The following DKK3 variants were observed in gnomAD, a reference collection of about 807,000 sequenced individuals.
DKK3 encodes dickkopf-related protein 3.
Under a neutral mutation model 33.2 loss-of-function variants are expected in DKK3, and 22 were observed. The ratio of observed to expected loss-of-function variants is 0.66; its 90% CI spans 0.47 to 0.95. The LOEUF (loss-of-function observed/expected upper bound fraction) is 0.95, where lower values mean the gene tolerates loss of function less well. Among genes scored for constraint, DKK3 ranks in the 40% least tolerant of loss-of-function variants. The probability of loss-of-function intolerance (pLI) is 0.00; values close to 1 mark genes in which losing one functional copy is unlikely to be tolerated. For synonymous variants in DKK3, 194 were observed against 188.8 expected (o/e 1.03, Z -0.23); for missense variants, 398 against 458.4 (o/e 0.87, Z 1.20).
intron 2 of DKK3, 68 bp from the exon 3 acceptor site, chr11:11,998,847 T>C: frequency 6.8e-7 from 1 of 1,474,202 alleles, no homozygotes; most frequent in African/African-American, 1.4e-5. Context: ...AAGTTGTTTT[T>C]GTGTTTTGTT....
At chr11:12,007,093 C>T (rs942599755) in intron 1 of DKK3, among the ~76,000 whole-genome samples, 17 of 152,258 alleles carry the variant, frequency 1.1e-4, no homozygotes, top group African/African-American at 3.9e-4. Flanking sequence ...AGGACAGCTG[C>T]CCATTTCACT....
intron 3 of DKK3, among the ~76,000 whole-genome samples, chr11:11,983,869 C>T (rs537530064): frequency 1.3e-5 from 2 of 152,364 alleles, no homozygotes; most frequent in Admixed American, 6.5e-5. Flanking sequence ...TCTTCTCAAC[C>T]TTCAGTTTCT....
chr11:12,000,242 T>A (rs1222524989), intron 2 of DKK3, among the ~76,000 whole-genome samples: 1 of 152,184 alleles, frequency 6.6e-6, no homozygotes, highest in Non-Finnish European at 1.5e-5. Flanking sequence ...TCTTGCTCTG[T>A]CGCCCAGGCT....
intron 2 of DKK3, among the ~76,000 whole-genome samples, chr11:12,001,136 G>C (rs976701811): frequency 2.0e-5 from 3 of 152,192 alleles, no homozygotes; most frequent in Admixed American, 6.5e-5. Context: ...AACCAAACCT[G>C]TTGGTTAATT....
intron 3 of DKK3, among the ~76,000 whole-genome samples, chr11:11,974,955 G>A (rs1184015492): frequency 6.6e-6 from 1 of 152,122 alleles, no homozygotes; most frequent in Non-Finnish European, 1.5e-5. Flanking sequence ...TGAACCACTG[G>A]TCATAGAGCC....
chr11:11,974,123 T>C (rs923548810), intron 3 of DKK3, among the ~76,000 whole-genome samples: 5 of 152,238 alleles, frequency 3.3e-5, no homozygotes, highest in Non-Finnish European at 7.3e-5. Context: ...GAGAACATCT[T>C]CAGGGCAAGA....
chr11:12,002,408 T>A lies in DKK3; in HGVS notation c.243A>T (p.Ala81=). The change falls in exon 2 of 7, where the codon GCA becomes GCT. Residue 81 remains alanine (A), a synonymous_variant. Transcript: ENST00000683431. The part of the protein sequence containing the change: ...EMEAEEAAAK[A]SSEVNLANLP... ...AGTTTGCCAGGTTCACTTCTGATGA[T>A]GCTTTAGCAGCAGCTTCTTCTGCCT... 1 of 1,614,004 alleles carries A rather than the reference T, an allele frequency of 6.2e-7. No homozygotes were observed. Among genetic ancestry groups the A allele is most frequent in the South Asian group, 1.1e-5 (1 of 91,064 alleles).
intron 3 of DKK3, among the ~76,000 whole-genome samples, chr11:11,976,128 G>A (rs1054705468): frequency 6.6e-6 from 1 of 152,190 alleles, no homozygotes; most frequent in Non-Finnish European, 1.5e-5. Context: ...TGGGCCAATG[G>A]GTCTTGTTTG....
At chr11:11,968,901 CTG>C (rs1265899180) in intron 3 of DKK3, among the ~76,000 whole-genome samples, 2 of 152,244 alleles carry the variant, frequency 1.3e-5, no homozygotes, top group Non-Finnish European at 2.9e-5. Context: ...GCTCTGCTGA[CTG>C]TGAAGACTGG....
intron 3 of DKK3, among the ~76,000 whole-genome samples, chr11:11,981,488 T>C (rs1200472490): frequency 1.3e-5 from 2 of 152,114 alleles, no homozygotes; most frequent in African/African-American, 4.8e-5. Context: ...TACTGCTAAG[T>C]TTGGGTAACA....
At chr11:11,984,266 G>A (rs1254005200) in intron 3 of DKK3, among the ~76,000 whole-genome samples, 1 of 152,192 alleles carries the variant, frequency 6.6e-6, no homozygotes, top group African/African-American at 2.4e-5. Context: ...AATATTTTGA[G>A]AGACAGTATT....
At position 11,998,534 on chromosome 11, in the gene DKK3, C is replaced by G. The variant is rs1848348193; in HGVS notation, c.435+162G>C. The G allele has an allele frequency of 4.1e-5, 29 of 708,196 alleles. 1 individual carries two copies. The South Asian group carries it at 4.5e-4, about 11-fold the overall frequency. 43.9% of individuals were successfully genotyped at this position (708,196 alleles called of 1,614,324 possible). A position where few individuals can be genotyped will look rare whatever the true frequency, so the allele number is the denominator to read the frequency against. On this transcript the variant is annotated intron_variant, in intron 3 of 6. Coordinates refer to ENST00000683431, the MANE Select transcript of DKK3 (RefSeq NM_001018057.2). ...GGCGTAACCTATTACTGGACTACAT[C>G]TGTCTGGTCAGAAATGTAGGAATTG... is the stretch of plus-strand genomic sequence containing the variant.
upstream of DKK3, chr11:12,008,873 T>C: frequency 8.9e-7 from 1 of 1,129,064 alleles, no homozygotes. The surrounding 1 kb of genome is among the most constrained non-coding windows in gnomAD (Gnocchi z 4.6). Context: ...TCCTCACCTG[T>C]GATGCTGGAG....
rs1160418190 is a variant in DKK3 at position 12,005,522 on chromosome 11, T to C, written c.213+2848A>G. ...ATACATTGATTGGTAGCATATAGAA[T>C]AGTAACACAGGAAAGTAGGAATATC... On this transcript the variant is annotated intron_variant, in intron 1 of 6. Coordinates refer to ENST00000683431, the MANE Select transcript of DKK3 (RefSeq NM_001018057.2). Among the ~76,000 whole-genome samples, 6 of 152,192 alleles carry C rather than the reference T, an allele frequency of 3.9e-5. No individual in the cohort carries two copies. In the East Asian group the frequency reaches 1.2e-3, roughly 29 times the overall value.
rs1219009672 is a variant in DKK3, at chr11:11,965,822, AGAG to A, written c.814_816del (p.Leu272del). ...AGGGGGCCTCACCTGTGGGGCTGGC[AGAG>A]GAGGCCACTGGCACAAGGGCATCGG... On this transcript the variant is annotated inframe_deletion, in exon 6 of 7. Coordinates refer to ENST00000683431, the MANE Select transcript of DKK3 (RefSeq NM_001018057.2). 6 of 1,613,912 alleles carry A rather than the reference AGAG, an allele frequency of 3.7e-6. No homozygotes were observed. Among genetic ancestry groups the A allele is most frequent in the Non-Finnish European group, 4.2e-6 (5 of 1,180,022 alleles).
intron 3 of DKK3, among the ~76,000 whole-genome samples, chr11:11,972,861 G>A (rs1847753343): frequency 6.6e-6 from 1 of 151,954 alleles, no homozygotes; most frequent in African/African-American, 2.4e-5. Flanking sequence ...AGGCCTGGGA[G>A]GGAAGGCGGG....
chr11:12,002,594 T>C (rs914240747), intron 1 of DKK3, among the ~76,000 whole-genome samples, 157 bp from the exon 2 acceptor site: 1 of 152,216 alleles, frequency 6.6e-6, no homozygotes, highest in Non-Finnish European at 1.5e-5. Flanking sequence ...TAAGATATTA[T>C]ACTAAACGTT....
intron 3 of DKK3, among the ~76,000 whole-genome samples, chr11:11,984,656 A>AC (rs1491165961): frequency 4.8e-5 from 1 of 20,836 alleles, no homozygotes; most frequent in African/African-American, 6.8e-4. Flanking sequence ...AATTTCCTTT[A>AC]AAAAAAAAAA....
intron 1 of DKK3, among the ~76,000 whole-genome samples, chr11:12,006,890 G>C (rs1469525499): frequency 6.6e-6 from 1 of 152,114 alleles, no homozygotes; most frequent in Non-Finnish European, 1.5e-5. Flanking sequence ...ACCTGGATAA[G>C]GAAAGCAGAT....
Sources: gnomAD v4.1 joint callset for allele counts (sites outside exome capture counted in the v4.1 genomes callset) on GRCh38, gnomAD v4.1.1 for gene constraint, Gnocchi (gnomAD v3.1) non-coding constraint, MANE v1.5 for transcripts, NCBI Gene and HGNC (gene_info 2026-07-23, HGNC 2026-07-21) for gene names.